The following RAD51AP1 variants were observed in gnomAD, a reference collection of about 807,000 sequenced individuals.
RAD51AP1 encodes RAD51 associated protein 1.
In RAD51AP1, 14 loss-of-function variants were observed where a neutral mutation model predicts 34.3. The observed-to-expected ratio is 0.41, with a 90% CI of 0.27 to 0.64. The LOEUF (loss-of-function observed/expected upper bound fraction) is 0.64. Among genes scored for constraint, RAD51AP1 ranks in the 30% least tolerant of loss-of-function variants. RAD51AP1 has a pLI of 0.33. For synonymous variants in RAD51AP1, 114 were observed against 129.8 expected, an observed-to-expected ratio of 0.88 and a Z score of 0.83; for missense variants, 348 against 386.9, an observed-to-expected ratio of 0.90 and a Z score of 0.84.
At chr12:4,548,661 C>T in intron 5 of RAD51AP1, 26 bp from the exon 6 acceptor site, 1 of 1,603,402 alleles carries the variant, frequency 6.2e-7, no homozygotes, top group Non-Finnish European at 8.5e-7. Context: ...GAAAGTTTTC[C>T]ATTGATTTTT....
At chr12:4,547,658 T>G (rs114592950) in intron 4 of RAD51AP1, among the ~76,000 whole-genome samples, 2,248 of 152,274 alleles carry the variant, frequency 0.015, 54 homozygotes, top group African/African-American at 0.05. Context: ...TTATAACGAT[T>G]GGAGAGTTCT....
intron 3 of RAD51AP1, chr12:4,545,689 C>G: frequency 1.4e-6 from 2 of 1,404,676 alleles, no homozygotes; most frequent in Non-Finnish European, 2.0e-6. Flanking sequence ...CTCCATAGCA[C>G]TTTTGAGCAG....
At chr12:4,544,853 GA>G (rs1343742170) in intron 3 of RAD51AP1, among the ~76,000 whole-genome samples, 1 of 152,148 alleles carries the variant, frequency 6.6e-6, no homozygotes, top group African/African-American at 2.4e-5. Context: ...CATTAGCTGT[GA>G]GGGCAATGCA....
intron 6 of RAD51AP1, 130 bp from the exon 7 acceptor site, chr12:4,552,853 C>T (rs1017869185): frequency 1.3e-6 from 1 of 777,700 alleles, no homozygotes; most frequent in African/African-American, 1.8e-5. Flanking sequence ...ATGGCAACCA[C>T]TGCAGTGTTC....
chr12:4,543,881 A>G lies in RAD51AP1; in HGVS notation c.186A>G (p.Val62=). The G allele has an allele frequency of 1.2e-6, 2 of 1,611,150 alleles. No homozygotes were observed. Among genetic ancestry groups the G allele is most frequent in the Non-Finnish European group, 1.7e-6 (2 of 1,178,720 alleles). The part of the protein sequence containing the change: ...LNNLRKEEIP[V]QEKTPKKRMA... ...ATCTCCGGAAAGAAGAAATCCCAGT[A>G]CAAGAGAAAACCCCTAAAAAAAGGT... Residue 62 remains valine (V), a synonymous_variant, in exon 3 of 9, where the codon GTA becomes GTG. Coordinates refer to ENST00000352618, the MANE Select transcript of RAD51AP1 (RefSeq NM_006479.5).
At chr12:4,543,502 C>T (rs1944484030) in intron 2 of RAD51AP1, among the ~76,000 whole-genome samples, 1 of 152,066 alleles carries the variant, frequency 6.6e-6, no homozygotes, top group South Asian at 2.1e-4. Context: ...TTCTTTGACA[C>T]TTATATGCTG....
chr12:4,557,610 A>C (rs1839541967), intron 8 of RAD51AP1, among the ~76,000 whole-genome samples: 1 of 152,220 alleles, frequency 6.6e-6, no homozygotes, highest in Admixed American at 6.5e-5. Context: ...AATGAAGGAA[A>C]TTTAAATGGA....
rs537219127 is a variant in RAD51AP1 at position 4,559,417 on chromosome 12, A to G, written c.*424A>G. 196 of 153,324 alleles carry G rather than the reference A, an allele frequency of 1.3e-3. No homozygotes were observed. The highest frequency in any genetic ancestry group is 2.1e-3 in the Non-Finnish European group (147 of 68,762). 9.5% of individuals were successfully genotyped at this position (153,324 alleles called of 1,614,324 possible). Reference sequence around the variant, plus strand: ...TGAAATCTTATAAGCTACTTAAGCTACGTTGTCAGTTTTATCGCAAAGATG... The same window carrying G: ...TGAAATCTTATAAGCTACTTAAGCTGCGTTGTCAGTTTTATCGCAAAGATG... On this transcript the variant is annotated 3_prime_UTR_variant, in exon 9 of 9. Transcript: ENST00000352618.
intron 2 of RAD51AP1, among the ~76,000 whole-genome samples, chr12:4,542,530 T>C (rs552309501): frequency 1.3e-5 from 2 of 152,282 alleles, no homozygotes; most frequent in East Asian, 3.9e-4. Flanking sequence ...GCCTTAACTG[T>C]ATCTACCACT....
In RAD51AP1 at chr12:4,552,993, T is replaced by C. The variant is rs1446436126; in HGVS notation, c.567T>C (p.Ser189=). 4 of 1,583,874 alleles carry C rather than the reference T, an allele frequency of 2.5e-6. No individual in the cohort carries two copies. Among genetic ancestry groups the C allele is most frequent in the Non-Finnish European group, 3.4e-6 (4 of 1,171,058 alleles). The change falls in exon 7 of 9, where the codon TCT becomes TCC. Residue 189 remains serine, a synonymous_variant. Transcript: ENST00000352618. ...TEPDFAPGED[S]EDDSDFCESE... is the part of the protein sequence containing the mutation. ...AATCTTCTGTTTTAGGTGAAGATTC[T>C]GAGGATGATTCTGATTTTTGTGAGA...
intron 6 of RAD51AP1, among the ~76,000 whole-genome samples, chr12:4,552,051 A>G (rs1944550782): frequency 6.6e-6 from 1 of 152,196 alleles, no homozygotes; most frequent in East Asian, 1.9e-4. Flanking sequence ...TTTCTTTAAT[A>G]AAGTTTTGTA....
rs761684492 is a variant in RAD51AP1, at chr12:4,548,692, G to A, written c.412G>A (p.Asp138Asn). The A allele has an allele frequency of 1.2e-6, 2 of 1,612,134 alleles. No homozygotes were observed. Among genetic ancestry groups the A allele is most frequent in the African/African-American group, 1.3e-5 (1 of 74,782 alleles). Residue 138 changes from aspartate to asparagine, a missense_variant, in exon 6 of 9, where the codon GAT becomes AAT. Physicochemically the swap from Asp to Asn is conservative, Grantham distance 23 (BLOSUM62 1). Coordinates refer to ENST00000352618, the MANE Select transcript of RAD51AP1 (RefSeq NM_006479.5). ...CSVASDYLDL[D>N]KITVEDDVGG... is the part of the protein sequence containing the mutation. ...TTTTTATGCCTCTCCTGAAGATTTGGATAAGATTACTGTGGAAGATGATGT... is the reference window on the plus strand; with the variant it reads ...TTTTTATGCCTCTCCTGAAGATTTGAATAAGATTACTGTGGAAGATGATGT...
At chr12:4,556,780 T>C (rs1048345389) in intron 8 of RAD51AP1, among the ~76,000 whole-genome samples, 5 of 152,220 alleles carry the variant, frequency 3.3e-5, no homozygotes, top group African/African-American at 1.2e-4. Context: ...TTTCCTAGGA[T>C]AAAATTTCTA....
At position 4,553,097 on chromosome 12, in the gene RAD51AP1, C is replaced by T. The variant is rs748371960; in HGVS notation, c.671C>T (p.Ser224Phe). The T allele has an allele frequency of 1.9e-6, 3 of 1,597,496 alleles. No individual in the cohort carries two copies. The highest frequency in any genetic ancestry group is 2.6e-6 in the Non-Finnish European group (3 of 1,171,288). ...EIKKKEVKVK[S>F]PVEKKEKKSK... ...AAAAAGAAAGAAGTGAAGGTAAAAT[C>T]CCCAGTAGAAAAGAAAGAGAAGAAA... Residue 224 changes from serine to phenylalanine, a missense_variant, in exon 7 of 9, where the codon TCC (serine) becomes TTC (phenylalanine). Transcript: ENST00000352618.
chr12:4,553,178 A>G, intron 7 of RAD51AP1, 31 bp downstream of exon 7: 4 of 1,454,128 alleles, frequency 2.8e-6, no homozygotes, highest in Non-Finnish European at 3.7e-6. Flanking sequence ...TTAATTTTAT[A>G]AAGGAAATGT....
At chr12:4,553,284 T>C (rs1944559728) in intron 7 of RAD51AP1, 137 bp downstream of exon 7, 1 of 724,772 alleles carries the variant, frequency 1.4e-6, no homozygotes, top group Non-Finnish European at 2.1e-6. Context: ...AAAAGGAAGG[T>C]GGGGTGGGGA....
chr12:4,542,738 C>G (rs1944476707), intron 2 of RAD51AP1, among the ~76,000 whole-genome samples: 1 of 151,822 alleles, frequency 6.6e-6, no homozygotes, highest in South Asian at 2.1e-4. Context: ...CTGCATAGAC[C>G]CTGAAAGTAT....
Position 4,543,756 on chromosome 12 carries a change from T to G in RAD51AP1, c.68-7T>G. On this transcript the variant is annotated splice_polypyrimidine_tract_variant and splice_region_variant and intron_variant, in intron 2 of 8. Transcript: ENST00000352618. Reference sequence around the variant, plus strand: ...TTTTCTTTTGGTTTTAATTCACACATGAATAGATGATTTTGTTTCTGCAAC... The same window carrying G: ...TTTTCTTTTGGTTTTAATTCACACAGGAATAGATGATTTTGTTTCTGCAAC... 6.4e-7 allele frequency: 1 copy of G among 1,566,130 alleles called. No homozygotes were observed. The highest frequency in any genetic ancestry group is 1.4e-5 in the African/African-American group (1 of 72,728).
intron 4 of RAD51AP1, 92 bp from the exon 5 acceptor site, chr12:4,548,000 T>C (rs1229234634): frequency 7.8e-7 from 1 of 1,277,268 alleles, no homozygotes; most frequent in Non-Finnish European, 1.1e-6. Context: ...TTTATTTATA[T>C]CTAAATGCTA....
Sources: gnomAD v4.1 joint callset for allele counts (sites outside exome capture counted in the v4.1 genomes callset) on GRCh38, gnomAD v4.1.1 for gene constraint, MANE v1.5 for transcripts, NCBI Gene and HGNC (gene_info 2026-07-23, HGNC 2026-07-21) for gene names.